ADAM8: variants seen among roughly 807,000 people sequenced by gnomAD.
ADAM8 encodes the protein ADAM metallopeptidase domain 8.
In ADAM8, 104 loss-of-function variants were observed where a neutral mutation model predicts 102.4. That is an observed-to-expected ratio of 1.02 (90% CI 0.87 to 1.20). The LOEUF (loss-of-function observed/expected upper bound fraction) is 1.20. Ranked by LOEUF, ADAM8 falls within the 50% of genes most tolerant of loss-of-function variation. The probability of loss-of-function intolerance (pLI) is 0.00; values close to 1 mark genes in which losing one functional copy is unlikely to be tolerated. For missense variants in ADAM8, 1,132 were observed against 1,159.0 expected, an observed-to-expected ratio of 0.98 and a Z score of 0.34; for synonymous variants, 517 against 485.2, an observed-to-expected ratio of 1.07 and a Z score of -0.86.
At chr10:133,264,946 G>C (rs28681130) in intron 21 of ADAM8, among the ~76,000 whole-genome samples, 145 of 65,840 alleles carry the variant, frequency 2.2e-3, no homozygotes, top group Admixed American at 3.2e-3. Flanking sequence ...ACCTCCACGC[G>C]CAGCTCCTGC....
intron 21 of ADAM8, 118 bp from the exon 22 acceptor site, chr10:133,263,883 G>A (rs72864780): frequency 0.059 from 52,537 of 889,552 alleles, 1,780 homozygotes; most frequent in Middle Eastern, 0.081. Context: ...TGCCCCCCAG[G>A]GAGCCTGCAG....
rs764166381 is a variant in ADAM8, at chr10:133,263,040, G to A, written c.*116C>T. 1.1e-5 allele frequency: 14 copies of A among 1,242,084 alleles called. No homozygotes were observed. In the Admixed American group the frequency reaches 1.2e-4, roughly 11 times the overall value. The allele number at this position is 1,242,084 out of a possible 1,614,324, so 76.9% of individuals were successfully genotyped here. ...CATTCCTGAGGTTAGAACAGCAGCT[G>A]AGCCTGCAAAGTCAGGGTCTAGGGC... On this transcript the variant is annotated 3_prime_UTR_variant, in exon 23 of 23. Transcript: ENST00000445355.
chr10:133,265,217 T>G (rs1399914959), intron 21 of ADAM8, among the ~76,000 whole-genome samples: 2 of 123,276 alleles, frequency 1.6e-5, no homozygotes, highest in African/African-American at 6.7e-5. Context: ...CCCATCTACC[T>G]CCACGCCCAG....
intron 19 of ADAM8, among the ~76,000 whole-genome samples, chr10:133,268,467 C>A (rs1253764436): frequency 6.6e-6 from 1 of 152,122 alleles, no homozygotes; most frequent in Non-Finnish European, 1.5e-5. Flanking sequence ...GTATGGGGGA[C>A]CCCACCGGGC....
intron 22 of ADAM8, 68 bp downstream of exon 22, chr10:133,263,620 C>CAGCCCCGTGGGGAGGCCGTGCCACTGTG: frequency 6.9e-7 from 1 of 1,459,072 alleles, no homozygotes; most frequent in South Asian, 1.4e-5. Context: ...GTGCCACCGT[C>CAGCCCCGTGGGGAGGCCGTGCCACTGTG]AGCCCCGTGG....
In ADAM8 at chr10:133,274,180, G is replaced by A; in HGVS notation, c.206C>T (p.Thr69Ile). The A allele has an allele frequency of 6.3e-7, 1 of 1,589,106 alleles. No individual in the cohort carries two copies. The highest frequency in any genetic ancestry group is 8.6e-7 in the Non-Finnish European group (1 of 1,167,204). The change falls in exon 3 of 23, where the codon ACC becomes ATC. Residue 69 changes from threonine to isoleucine, a missense_variant. Physicochemically the swap from Thr to Ile is moderately conservative, Grantham distance 89 (BLOSUM62 -1). Transcript: ENST00000445355. ...YVLGATGHNF[T>I]LHLRKNRDLL... is the part of the protein sequence containing the mutation. ...TCACCTGTTCTTCCGCAGGTGGAGG[G>A]TGAAGTTGTGCCCTGTGGCCCCAAG...
In ADAM8 at chr10:133,273,661, G is replaced by C. The variant is rs1043433134; in HGVS notation, c.383+101C>G. The C allele has an allele frequency of 4.3e-6, 6 of 1,394,412 alleles. No individual in the cohort carries two copies. In the African/African-American group the frequency reaches 8.6e-5, roughly 20 times the overall value. The allele number at this position is 1,394,412 out of a possible 1,614,324, so 86.4% of individuals were successfully genotyped here. A position where few individuals can be genotyped will look rare whatever the true frequency, so the allele number is the denominator to read the frequency against. On this transcript the variant is annotated intron_variant, in intron 5 of 22. Coordinates refer to ENST00000445355, the MANE Select transcript of ADAM8 (RefSeq NM_001109.5). ...TGCAAGACAGCAAAGGCCTGAGTGG[G>C]AGGAGGAGGCACCCTCCCTGCCTCC... is the stretch of plus-strand genomic sequence containing the variant.
rs1360179253 is a variant in ADAM8 at position 133,262,986 on chromosome 10, G to A, written c.*170C>T. ...CGGGGAGAAGGAATTGGCTGAGGGC[G>A]TGGACAGCAGGAGCCTCTCAGGTAG... On this transcript the variant is annotated 3_prime_UTR_variant, in exon 23 of 23. Coordinates refer to ENST00000445355, the MANE Select transcript of ADAM8 (RefSeq NM_001109.5). 6.1e-6 allele frequency: 5 copies of A among 813,286 alleles called. No homozygotes were observed. Among genetic ancestry groups the A allele is most frequent in the East Asian group, 2.5e-5 (1 of 40,566 alleles). 50.4% of individuals were successfully genotyped at this position (813,286 alleles called of 1,614,324 possible). A position where few individuals can be genotyped will look rare whatever the true frequency, so the allele number is the denominator to read the frequency against.
At position 133,273,813 on chromosome 10, in the gene ADAM8, A is replaced by G. The variant is rs1355137127; in HGVS notation, c.332T>C (p.Val111Ala). ...GQDHCFYQGH[V>A]EGYPDSAASL... ...GGCGGCTGAGTCCGGGTACCCCTCT[A>G]CGTGGCCCTGGTAGAAGCAGTGGTC... Residue 111 changes from valine (V) to alanine (A), a missense_variant, in exon 5 of 23, where the codon GTA becomes GCA. Coordinates refer to ENST00000445355, the MANE Select transcript of ADAM8 (RefSeq NM_001109.5). The G allele has an allele frequency of 5.2e-6, 8 of 1,549,054 alleles. No homozygotes were observed. Among genetic ancestry groups the G allele is most frequent in the East Asian group, 2.4e-5 (1 of 40,906 alleles).
chr10:133,275,690 C>G, intron 1 of ADAM8, 103 bp from the exon 2 acceptor site: 1 of 624,710 alleles, frequency 1.6e-6, no homozygotes, highest in Non-Finnish European at 2.6e-6. Flanking sequence ...GCTTGACCCT[C>G]CCCTGGGGAA....
chr10:133,272,934 CACCTTCCCTGCCCCCA>C lies in ADAM8; in HGVS notation c.636+7_636+22del. 6.2e-6 allele frequency: 10 copies of C among 1,612,682 alleles called. No homozygotes were observed. The highest frequency in any genetic ancestry group is 7.6e-6 in the Non-Finnish European group (9 of 1,179,718). Reference sequence around the variant, plus strand: ...ATGCCCCCGCCGCCGGCTGCTCTCCCACCTTCCCTGCCCCCAACACACCTCTGCATTGTCCACGACC... The same window carrying C: ...ATGCCCCCGCCGCCGGCTGCTCTCCCACACACCTCTGCATTGTCCACGACC... On this transcript the variant is annotated splice_region_variant and intron_variant, in intron 7 of 22. Coordinates refer to ENST00000445355, the MANE Select transcript of ADAM8 (RefSeq NM_001109.5).
intron 1 of ADAM8, chr10:133,276,054 C>G (rs1846740774): frequency 6.3e-6 from 1 of 158,198 alleles, no homozygotes; most frequent in African/African-American, 2.4e-5. Context: ...TGGAAACTCC[C>G]TGGTATCCGA....
In ADAM8 at chr10:133,273,622, T is replaced by C; in HGVS notation, c.383+140A>G. The C allele has an allele frequency of 3.9e-6, 5 of 1,286,688 alleles. 1 individual carries two copies. The South Asian group carries it at 7.2e-5, about 19-fold the overall frequency. The allele number at this position is 1,286,688 out of a possible 1,614,324, so 79.7% of individuals were successfully genotyped here. A position where few individuals can be genotyped will look rare whatever the true frequency, so the allele number is the denominator to read the frequency against. On this transcript the variant is annotated intron_variant, in intron 5 of 22. Transcript: ENST00000445355. ...TGAGCCTCTTGGGCTTGGCGTCCCC[T>C]GAGCAGACCCCCATGCAAGACAGCA...
chr10:133,270,657 C>T, intron 15 of ADAM8, 79 bp downstream of exon 15: 2 of 1,550,730 alleles, frequency 1.3e-6, no homozygotes, highest in Non-Finnish European at 8.8e-7. Context: ...GGGAGCAGGA[C>T]CCTTTGCAGA....
rs748837141 is a variant in ADAM8, at chr10:133,271,503, G to A, written c.1284+25C>T. 4.6e-6 allele frequency: 7 copies of A among 1,533,694 alleles called. No individual in the cohort carries two copies. The East Asian group carries it at 1.4e-4, about 32-fold the overall frequency. ...AGGTTGTGGCACCCAGTGCTGACGG[G>A]AGCAGGTATGGGGCATGGACGCACC... is the stretch of plus-strand genomic sequence containing the variant. On this transcript the variant is annotated intron_variant, in intron 12 of 22. Transcript: ENST00000445355.
At chr10:133,270,033 C>T (rs1357984224) in intron 16 of ADAM8, 59 bp from the exon 17 acceptor site, 1 of 1,565,756 alleles carries the variant, frequency 6.4e-7, no homozygotes, top group Non-Finnish European at 8.8e-7. Context: ...GCCAGCGTCC[C>T]TTGAAACTGC....
At position 133,263,103 on chromosome 10, in the gene ADAM8, A is replaced by G; in HGVS notation, c.*53T>C. On this transcript the variant is annotated 3_prime_UTR_variant, in exon 23 of 23. Transcript: ENST00000445355. ...GCTGGACCGTGGAATGCTGGAACGC[A>G]TGGCTTCTCTGCCGCAACTTCTCCA... 1 of 1,600,522 alleles carries G rather than the reference A, an allele frequency of 6.2e-7. No individual in the cohort carries two copies. Among genetic ancestry groups the G allele is most frequent in the East Asian group, 2.2e-5 (1 of 44,816 alleles).
At chr10:133,269,106 A>C (rs1023156011) in intron 18 of ADAM8, 5 of 985,252 alleles carry the variant, frequency 5.1e-6, no homozygotes, top group Admixed American at 6.1e-5. Flanking sequence ...GATGCTCTGG[A>C]CGACCACATG....
intron 19 of ADAM8, 73 bp from the exon 20 acceptor site, chr10:133,268,191 CT>C: frequency 8.3e-7 from 1 of 1,210,622 alleles, no homozygotes; most frequent in Non-Finnish European, 1.0e-6. Context: ...GAGTCTCTCC[CT>C]CCCAGCTCCA....
Sources: gnomAD v4.1 joint callset for allele counts (sites outside exome capture counted in the v4.1 genomes callset) on GRCh38, gnomAD v4.1.1 for gene constraint, MANE v1.5 for transcripts, NCBI Gene and HGNC (gene_info 2026-07-23, HGNC 2026-07-21) for gene names.